Variants in CYP7B1 observed in about 807,000 individuals in gnomAD.
CYP7B1 encodes cytochrome P450 family 7 subfamily B member 1, also known as cytochrome P450 7B1.
In CYP7B1, 29 loss-of-function variants were observed where a neutral mutation model predicts 42.7. The ratio of observed to expected loss-of-function variants is 0.68; its 90% CI spans 0.51 to 0.93. CYP7B1 has a LOEUF of 0.93. Among genes scored for constraint, CYP7B1 ranks in the 40% least tolerant of loss-of-function variants. CYP7B1 has a pLI of 0.00. For synonymous variants in CYP7B1, 235 were observed against 218.2 expected (o/e 1.08, Z -0.68); for missense variants, 655 against 600.5 (o/e 1.09, Z -0.95).
intron 2 of CYP7B1, among the ~76,000 whole-genome samples, chr8:64,616,577 T>C (rs1489580606): frequency 6.6e-6 from 1 of 152,200 alleles, no homozygotes; most frequent in Non-Finnish European, 1.5e-5. Flanking sequence ...TTAAATATCC[T>C]TTAAATATTC....
intron 1 of CYP7B1, among the ~76,000 whole-genome samples, chr8:64,784,400 C>T (rs1366566207): frequency 6.6e-6 from 1 of 152,158 alleles, no homozygotes; most frequent in Non-Finnish European, 1.5e-5. Flanking sequence ...ATATATTTTT[C>T]AGTATCCTTT....
chr8:64,686,020 C>G (rs1227799573), intron 1 of CYP7B1, among the ~76,000 whole-genome samples: 1 of 92,562 alleles, frequency 1.1e-5, no homozygotes, highest in African/African-American at 4.4e-5. Flanking sequence ...AGCCCCTCAG[C>G]CCGGCCAGCC....
At chr8:64,612,625 A>T (rs1251723151) in intron 4 of CYP7B1, among the ~76,000 whole-genome samples, 1 of 152,170 alleles carries the variant, frequency 6.6e-6, no homozygotes, top group Non-Finnish European at 1.5e-5. Flanking sequence ...GTGTGCTGAC[A>T]TGCAAAATTT....
At chr8:64,597,934 A>G (rs1805142653) in intron 5 of CYP7B1, among the ~76,000 whole-genome samples, 1 of 152,236 alleles carries the variant, frequency 6.6e-6, no homozygotes, top group African/African-American at 2.4e-5. Context: ...GATCCAAAGC[A>G]TTTCAGGTTA....
chr8:64,705,531 C>A (rs1806985523), intron 1 of CYP7B1, among the ~76,000 whole-genome samples: 1 of 151,398 alleles, frequency 6.6e-6, no homozygotes, highest in Admixed American at 6.6e-5. Context: ...AAAAAAAAAT[C>A]TCAAAACATT....
chr8:64,790,011 A>G (rs1475235883), intron 1 of CYP7B1, among the ~76,000 whole-genome samples: 1 of 152,226 alleles, frequency 6.6e-6, no homozygotes, highest in African/African-American at 2.4e-5. Context: ...TGTGGTGACC[A>G]CTGAGCAGTC....
At chr8:64,705,617 A>G (rs1806987532) in intron 1 of CYP7B1, among the ~76,000 whole-genome samples, 1 of 151,968 alleles carries the variant, frequency 6.6e-6, no homozygotes, top group Non-Finnish European at 1.5e-5. Flanking sequence ...TAATAGAATT[A>G]CTTAGAATTG....
At chr8:64,675,040 G>A (rs1362607152) in intron 1 of CYP7B1, among the ~76,000 whole-genome samples, 1 of 152,066 alleles carries the variant, frequency 6.6e-6, no homozygotes, top group East Asian at 1.9e-4. Context: ...TGGTAAGTTA[G>A]AATATTTTTC....
intron 1 of CYP7B1, chr8:64,728,115 A>G (rs1807349850): frequency 6.6e-6 from 1 of 152,234 alleles, no homozygotes; most frequent in African/African-American, 2.4e-5. Flanking sequence ...TCCCTAAGGA[A>G]CTGTCTCTGC....
intron 1 of CYP7B1, among the ~76,000 whole-genome samples, chr8:64,782,938 T>C (rs1352177992): frequency 1.3e-5 from 2 of 152,198 alleles, no homozygotes; most frequent in Non-Finnish European, 2.9e-5. Context: ...GCCAGAAATC[T>C]GTCTCAAATG....
chr8:64,645,223 A>G (rs370145457), intron 1 of CYP7B1, among the ~76,000 whole-genome samples: 3 of 150,940 alleles, frequency 2.0e-5, no homozygotes, highest in African/African-American at 7.3e-5. Flanking sequence ...ATAAACATAC[A>G]TATGCATGTG....
intron 1 of CYP7B1, among the ~76,000 whole-genome samples, chr8:64,718,177 C>T (rs957262936): frequency 1.4e-4 from 22 of 151,948 alleles, no homozygotes; most frequent in African/African-American, 5.1e-4. Context: ...GTAGTTGCAT[C>T]CCTATTGAAT....
At chr8:64,650,916 T>C (rs1806028954) in intron 1 of CYP7B1, among the ~76,000 whole-genome samples, 1 of 152,176 alleles carries the variant, frequency 6.6e-6, no homozygotes, top group Admixed American at 6.5e-5. Context: ...GCTGTGGGGT[T>C]GGGCTCAGAC....
chr8:64,637,824 C>T (rs747164094), intron 1 of CYP7B1, among the ~76,000 whole-genome samples: 3 of 152,136 alleles, frequency 2.0e-5, no homozygotes, highest in Non-Finnish European at 4.4e-5. Flanking sequence ...ATGTACTCAT[C>T]ACTAATTCTT....
At position 64,615,209 on chromosome 8, in the gene CYP7B1, C is replaced by A; in HGVS notation, c.874G>T (p.Ala292Ser). 1 of 1,613,016 alleles carries A rather than the reference C, an allele frequency of 6.2e-7. No individual in the cohort carries two copies. The highest frequency in any genetic ancestry group is 1.1e-5 in the South Asian group (1 of 91,010). The change falls in exon 4 of 6, where the codon GCC becomes TCC. Residue 292 changes from alanine (A) to serine (S), a missense_variant. Transcript: ENST00000310193. The part of the protein sequence containing the change: ...IGAHHLGFLW[A>S]SVANTIPTMF... ...GTTGGAATAGTGTTTGCCACAGAGG[C>A]CCAGAGAAAGCCTAAATGATGTGCT...
chr8:64,690,287 T>C (rs1184976527), intron 1 of CYP7B1, among the ~76,000 whole-genome samples: 1 of 152,156 alleles, frequency 6.6e-6, no homozygotes, highest in African/African-American at 2.4e-5. Context: ...CCTGTGGTTC[T>C]AGCTACTCAG....
intron 1 of CYP7B1, among the ~76,000 whole-genome samples, chr8:64,791,255 C>A (rs1168765387): frequency 2.0e-5 from 3 of 152,076 alleles, no homozygotes; most frequent in Admixed American, 6.5e-5. Context: ...CAAGCAAAAG[C>A]TTTAATAAGG....
chr8:64,706,099 T>C (rs1806994958), intron 1 of CYP7B1, among the ~76,000 whole-genome samples: 1 of 152,010 alleles, frequency 6.6e-6, no homozygotes, highest in South Asian at 2.1e-4. Context: ...AAAACAGCAT[T>C]AAGAGCCCCT....
chr8:64,619,059 C>T (rs1434748020), intron 2 of CYP7B1, among the ~76,000 whole-genome samples: 2 of 152,108 alleles, frequency 1.3e-5, no homozygotes, highest in African/African-American at 2.4e-5. Flanking sequence ...TGTTAGCTGG[C>T]TTTCCAACTT....
Sources: gnomAD v4.1 joint callset for allele counts (sites outside exome capture counted in the v4.1 genomes callset) on GRCh38, gnomAD v4.1.1 for gene constraint, MANE v1.5 for transcripts, NCBI Gene and HGNC (gene_info 2026-07-23, HGNC 2026-07-21) for gene names.